The following PCSK5 variants were observed in gnomAD, a reference collection of about 807,000 sequenced individuals.
PCSK5 encodes proprotein convertase subtilisin/kexin type 5, also known as prohormone convertase 5.
Under a neutral mutation model 233.2 loss-of-function variants are expected in PCSK5, and 129 were observed. That is an observed-to-expected ratio of 0.55 (90% confidence interval 0.48 to 0.64). The LOEUF (loss-of-function observed/expected upper bound fraction) is 0.64. PCSK5 is among the 30% of genes least tolerant of loss of function. PCSK5 has a pLI of 0.00. For synonymous variants in PCSK5, 825 were observed against 879.2 expected (o/e 0.94, Z 1.09); for missense variants, 2,076 against 2,430.1 (o/e 0.85, Z 3.06).
chr9:76,175,275 TCGAA>T lies in PCSK5; in HGVS notation c.1900+147_1900+150del, dbSNP rs772218075. 2.0e-5 allele frequency: 12 copies of T among 605,024 alleles called. No individual in the cohort carries two copies. The East Asian group carries it at 3.4e-4, about 17-fold the overall frequency. The allele number at this position is 605,024 out of a possible 1,614,324, so 37.5% of individuals were successfully genotyped here. On this transcript the variant is annotated intron_variant, in intron 14 of 37. Transcript: ENST00000674117. ...TGGAATGGAATGGAATGGAATGGAA[TCGAA>T]TCGAATCGAATCGAATAGAATAGAA...
At chr9:76,013,335 C>T (rs1827811752) in intron 3 of PCSK5, among the ~76,000 whole-genome samples, 1 of 152,164 alleles carries the variant, frequency 6.6e-6, no homozygotes, top group Non-Finnish European at 1.5e-5. Flanking sequence ...TTTATTTGAT[C>T]CTCTCTTCCT....
intron 35 of PCSK5, among the ~76,000 whole-genome samples, chr9:76,343,531 CG>C (rs1829896932): frequency 6.6e-6 from 1 of 151,970 alleles, no homozygotes; most frequent in Non-Finnish European, 1.5e-5. Flanking sequence ...AGTATGTTTG[CG>C]TATGAGGCCC....
chr9:76,249,999 A>C (rs982706289), intron 24 of PCSK5, among the ~76,000 whole-genome samples: 1 of 152,210 alleles, frequency 6.6e-6, no homozygotes, highest in Non-Finnish European at 1.5e-5. Context: ...TAACTTATTT[A>C]AATATTCCTC....
At chr9:76,357,077 A>G (rs924303310) in intron 37 of PCSK5, among the ~76,000 whole-genome samples, 1 of 152,262 alleles carries the variant, frequency 6.6e-6, no homozygotes, top group African/African-American at 2.4e-5. Context: ...CCACCTGGAA[A>G]AATGAATAAG....
intron 35 of PCSK5, among the ~76,000 whole-genome samples, chr9:76,348,802 C>T (rs1830042771): frequency 6.6e-6 from 1 of 151,830 alleles, no homozygotes; most frequent in African/African-American, 2.4e-5. Context: ...GTCCCCTCAG[C>T]CCCCCAGCCC....
chr9:76,111,147 A>C (rs1406927107), intron 9 of PCSK5, among the ~76,000 whole-genome samples: 1 of 152,094 alleles, frequency 6.6e-6, no homozygotes. Context: ...AAGAGAAATA[A>C]CTTTGCTGTA....
chr9:76,010,319 C>G (rs7875951), intron 3 of PCSK5, among the ~76,000 whole-genome samples: 7,420 of 152,174 alleles, frequency 0.049, 569 homozygotes, highest in African/African-American at 0.16. Context: ...TTTTTCCTTG[C>G]AGCTAAAAAC....
chr9:76,330,173 G>A (rs545728744), intron 33 of PCSK5, among the ~76,000 whole-genome samples: 6 of 152,296 alleles, frequency 3.9e-5, no homozygotes, highest in African/African-American at 1.2e-4. Flanking sequence ...GGTTGATTAA[G>A]AAATCCCTCT....
intron 9 of PCSK5, among the ~76,000 whole-genome samples, chr9:76,130,763 T>A (rs1822731720): frequency 2.0e-5 from 3 of 152,162 alleles, no homozygotes; most frequent in Admixed American, 2.0e-4. Flanking sequence ...TAAATGTGAC[T>A]CTCTTCATAT....
intron 27 of PCSK5, 21 bp from the exon 28 acceptor site, chr9:76,302,116 C>A: frequency 5.1e-6 from 5 of 986,250 alleles, no homozygotes; most frequent in East Asian, 6.7e-5. Flanking sequence ...AAACTAAACA[C>A]TTTTTTTTTT....
Position 76,180,087 on chromosome 9 carries a change from G to GTGTATATA in PCSK5, c.2003+390_2003+391insGTATATAT, listed in dbSNP as rs543361179. ...TGTTTATATATATATGTGTGTGTGTGTATATATATATATATATACACACAC... is the reference window on the plus strand; with the variant it reads ...TGTTTATATATATATGTGTGTGTGTGTGTATATATATATATATATATATATACACACAC... On this transcript the variant is annotated intron_variant, in intron 15 of 37. Transcript: ENST00000674117. 5.7e-3 allele frequency among the ~76,000 whole-genome samples: 753 copies of GTGTATATA among 132,578 alleles called. 10 individuals are homozygous for GTGTATATA. The highest frequency in any genetic ancestry group is 0.02 in the African/African-American group (692 of 34,606). 87.0% of individuals were successfully genotyped at this position (132,578 alleles called of 152,430 possible).
At chr9:76,002,899 G>A (rs1827320335) in intron 3 of PCSK5, among the ~76,000 whole-genome samples, 1 of 152,182 alleles carries the variant, frequency 6.6e-6, no homozygotes, top group Admixed American at 6.5e-5. Context: ...ATAACTGTCA[G>A]GAGTCCTCAG....
chr9:75,941,774 G>A (rs569748792), intron 2 of PCSK5, among the ~76,000 whole-genome samples: 3 of 152,268 alleles, frequency 2.0e-5, no homozygotes, highest in Admixed American at 6.5e-5. Flanking sequence ...GAGACCTGAA[G>A]AGGCATGTGG....
intron 34 of PCSK5, among the ~76,000 whole-genome samples, chr9:76,337,439 G>A (rs2842492): frequency 0.44 from 67,171 of 151,654 alleles, 15,411 homozygotes; most frequent in Non-Finnish European, 0.51. Context: ...CTCCCAAAGT[G>A]CTGGGATTAC....
intron 2 of PCSK5, among the ~76,000 whole-genome samples, chr9:75,984,478 G>A (rs1826416254): frequency 6.6e-6 from 1 of 152,282 alleles, no homozygotes; most frequent in South Asian, 2.1e-4. Flanking sequence ...TGTCTAAGCA[G>A]CCTTCTTTTA....
At position 76,071,831 on chromosome 9, in the gene PCSK5, A is replaced by G; in HGVS notation, c.827A>G (p.Asp276Gly). The G allele has an allele frequency of 6.2e-7, 1 of 1,614,202 alleles. No individual in the cohort carries two copies. The highest frequency in any genetic ancestry group is 8.5e-7 in the Non-Finnish European group (1 of 1,180,022). Residue 276 changes from aspartate (D) to glycine (G), a missense_variant, in exon 7 of 38, where the codon GAT becomes GGT. This residue lies in a region of PCSK5 where 178 missense variants were observed against 393.6 expected (regional missense o/e 0.45). Coordinates refer to ENST00000674117, the MANE Select transcript of PCSK5 (RefSeq NM_001372043.1). ...TACAGCGCCAGCTGGGGCCCGGATG[A>G]TGATGGCAAGACTGTGGACGGACCA... ...HIYSASWGPD[D>G]DGKTVDGPAP...
chr9:76,077,577 C>G (rs1345599185), intron 7 of PCSK5, among the ~76,000 whole-genome samples: 2 of 152,124 alleles, frequency 1.3e-5, no homozygotes, highest in African/African-American at 4.8e-5. Flanking sequence ...TCCCCATAGT[C>G]TGCAGTGTCT....
At chr9:76,339,743 C>G (rs544566996) in intron 35 of PCSK5, among the ~76,000 whole-genome samples, 4 of 152,218 alleles carry the variant, frequency 2.6e-5, no homozygotes, top group African/African-American at 9.6e-5. Context: ...CAGGGTTTCA[C>G]CATATTGATC....
rs1366665597 is a variant in PCSK5 at position 76,263,112 on chromosome 9, A to C, written c.3142+22428A>C. The stretch of plus-strand genomic sequence containing the variant: ...CACACCAGTTAGAATGGCAATCATT[A>C]AAAAGTCAGGAAACAACAGGTGCTG... On this transcript the variant is annotated intron_variant, in intron 24 of 37. Coordinates refer to ENST00000674117, the MANE Select transcript of PCSK5 (RefSeq NM_001372043.1). Among the ~76,000 whole-genome samples the C allele has an allele frequency of 8.5e-5, 13 of 152,084 alleles. No individual in the cohort carries two copies. In the East Asian group the frequency reaches 1.7e-3, roughly 20 times the overall value.
Sources: gnomAD v4.1 joint callset for allele counts (sites outside exome capture counted in the v4.1 genomes callset) on GRCh38, gnomAD v4.1.1 for gene constraint, gnomAD v4.1.1 regional missense constraint, MANE v1.5 for transcripts, NCBI Gene and HGNC (gene_info 2026-07-23, HGNC 2026-07-21) for gene names.